The following CALD1 variants were observed in gnomAD, a reference collection of about 807,000 sequenced individuals.
CALD1 encodes caldesmon.
Under a neutral mutation model 99.9 loss-of-function variants are expected in CALD1, and 33 were observed. The observed-to-expected ratio is 0.33, with a 90% CI of 0.25 to 0.44. The LOEUF (loss-of-function observed/expected upper bound fraction) is 0.44. CALD1 is among the 20% of genes least tolerant of loss of function. The pLI, the probability that CALD1 is intolerant of heterozygous loss-of-function variation, is 1.00. For missense variants in CALD1, 861 were observed against 962.1 expected, an observed-to-expected ratio of 0.89 and a Z score of 1.39; for synonymous variants, 310 against 325.0, an observed-to-expected ratio of 0.95 and a Z score of 0.50.
chr7:134,887,567 C>T (rs538014004), intron 3 of CALD1, among the ~76,000 whole-genome samples: 1 of 152,290 alleles, frequency 6.6e-6, no homozygotes, highest in East Asian at 1.9e-4. Flanking sequence ...AAGTGAATGG[C>T]TCTGTGCATG....
intron 1 of CALD1, among the ~76,000 whole-genome samples, chr7:134,819,787 G>A (rs934486188): frequency 4.6e-5 from 7 of 152,162 alleles, no homozygotes; most frequent in African/African-American, 1.7e-4. Flanking sequence ...GAGGCAGGAG[G>A]AATGCTTGAG....
intron 11 of CALD1, among the ~76,000 whole-genome samples, chr7:134,959,722 A>C (rs541225944): frequency 1.3e-5 from 2 of 152,208 alleles, no homozygotes; most frequent in East Asian, 3.8e-4. Flanking sequence ...TATCAATTTC[A>C]CAACAAATGG....
At chr7:134,743,389 A>G (rs986171484), upstream of CALD1, among the ~76,000 whole-genome samples, 9 of 152,174 alleles carry the variant, frequency 5.9e-5, no homozygotes, top group African/African-American at 9.7e-5. Flanking sequence ...AATGCTTTAT[A>G]TTTCTAAAAT....
At chr7:134,849,093 T>C (rs1799972030) in intron 2 of CALD1, among the ~76,000 whole-genome samples, 1 of 152,200 alleles carries the variant, frequency 6.6e-6, no homozygotes, top group South Asian at 2.1e-4. Flanking sequence ...ACGTAAATTG[T>C]GATTTCTAAT....
chr7:134,830,169 G>C (rs1475686345), intron 1 of CALD1, among the ~76,000 whole-genome samples: 1 of 152,056 alleles, frequency 6.6e-6, no homozygotes, highest in African/African-American at 2.4e-5. Context: ...TCTTCAGAAT[G>C]CTTGCACCCT....
intron 2 of CALD1, among the ~76,000 whole-genome samples, chr7:134,861,995 A>G (rs559363183): frequency 1.3e-5 from 2 of 152,378 alleles, no homozygotes; most frequent in South Asian, 4.1e-4. Flanking sequence ...TGAGTTACGA[A>G]TTTTACAAAG....
chr7:134,908,772 G>C (rs573430180), intron 3 of CALD1, among the ~76,000 whole-genome samples: 25 of 152,126 alleles, frequency 1.6e-4, no homozygotes, highest in Non-Finnish European at 2.8e-4. Context: ...TAAAGGGCCA[G>C]GCAGTTTTTC....
At chr7:134,928,601 C>T (rs1265947350) in intron 3 of CALD1, among the ~76,000 whole-genome samples, 153 bp from the exon 4 acceptor site, 2 of 152,128 alleles carry the variant, frequency 1.3e-5, no homozygotes, top group African/African-American at 4.8e-5. Flanking sequence ...CTGACTAGGT[C>T]GCTAAACTTA....
chr7:134,882,522 T>C (rs1443703164), intron 3 of CALD1, among the ~76,000 whole-genome samples: 1 of 152,226 alleles, frequency 6.6e-6, no homozygotes, highest in Non-Finnish European at 1.5e-5. Flanking sequence ...GTATCTGCAT[T>C]ATAAATCAGA....
At chr7:134,832,339 C>G (rs1246644935) in intron 1 of CALD1, among the ~76,000 whole-genome samples, 2 of 152,162 alleles carry the variant, frequency 1.3e-5, no homozygotes, top group Admixed American at 6.5e-5. Flanking sequence ...GGATAATTGC[C>G]AAACCATCAC....
intron 2 of CALD1, 67 bp downstream of exon 2, chr7:134,844,038 C>A (rs1799753649): frequency 6.6e-6 from 1 of 152,194 alleles, no homozygotes. Flanking sequence ...GCCTCTGTGC[C>A]TGATATTCTA....
At chr7:134,838,053 C>T (rs946127766) in intron 1 of CALD1, among the ~76,000 whole-genome samples, 1 of 152,220 alleles carries the variant, frequency 6.6e-6, no homozygotes, top group Non-Finnish European at 1.5e-5. Flanking sequence ...CTGACTTTCA[C>T]TGAATAATTG....
intron 1 of CALD1, among the ~76,000 whole-genome samples, chr7:134,800,069 T>C (rs773745104): frequency 6.6e-6 from 1 of 152,064 alleles, no homozygotes; most frequent in Non-Finnish European, 1.5e-5. Context: ...TAAAAAAAGA[T>C]TGGTAAATTG....
chr7:134,941,080 A>G lies in CALD1; in HGVS notation c.1387-12A>G. On this transcript the variant is annotated splice_polypyrimidine_tract_variant and intron_variant, in intron 6 of 14. Transcript: ENST00000361675. ...CTTGTTCTGTTTCTTCCTGATATGT[A>G]CTGTTGGTTAGATCAAAGATGAAAA... The G allele has an allele frequency of 1.3e-6, 2 of 1,598,504 alleles. No homozygotes were observed. Among genetic ancestry groups the G allele is most frequent in the Non-Finnish European group, 1.7e-6 (2 of 1,174,700 alleles).
chr7:134,953,919 T>TG (rs1289417347), intron 9 of CALD1, among the ~76,000 whole-genome samples: 1 of 152,174 alleles, frequency 6.6e-6, no homozygotes, highest in Non-Finnish European at 1.5e-5. Context: ...GAGAGACACA[T>TG]ATTCAGGGGC....
intron 2 of CALD1, among the ~76,000 whole-genome samples, chr7:134,864,362 G>C (rs1260096562): frequency 1.6e-5 from 2 of 123,698 alleles, no homozygotes; most frequent in East Asian, 5.2e-4. Flanking sequence ...AAAAAAAAAA[G>C]GAAGGGCAGT....
intron 6 of CALD1, among the ~76,000 whole-genome samples, chr7:134,938,866 C>A (rs1022184210): frequency 2.0e-5 from 3 of 152,088 alleles, no homozygotes; most frequent in African/African-American, 7.2e-5. Flanking sequence ...TCTTACAAAT[C>A]TATTTTAAAC....
chr7:134,741,211 G>A (rs1263250150), upstream of CALD1, among the ~76,000 whole-genome samples: 1 of 152,172 alleles, frequency 6.6e-6, no homozygotes, highest in Admixed American at 6.5e-5. Context: ...ATAAGGCTGG[G>A]GAGGCCTCAG....
At chr7:134,712,601 G>A in the CALD1 span, among the ~76,000 whole-genome samples, 1 of 152,186 alleles carries the variant, frequency 6.6e-6, no homozygotes, top group African/African-American at 2.4e-5. Flanking sequence ...ACTAAAGATG[G>A]TGGGTTATCA....
Sources: gnomAD v4.1 joint callset for allele counts (sites outside exome capture counted in the v4.1 genomes callset) on GRCh38, gnomAD v4.1.1 for gene constraint, MANE v1.5 for transcripts, NCBI Gene and HGNC (gene_info 2026-07-23, HGNC 2026-07-21) for gene names.